The following ATL3 variants were observed in gnomAD, a reference collection of about 807,000 sequenced individuals.
ATL3 encodes the protein atlastin GTPase 3, also known as atlastin-3.
Under a neutral mutation model 69.5 loss-of-function variants are expected in ATL3, and 49 were observed. That is an observed-to-expected ratio of 0.71 (90% CI 0.56 to 0.89). ATL3 has a LOEUF of 0.89. ATL3 is among the 40% of genes least tolerant of loss of function. ATL3 has a pLI of 0.00. For synonymous variants in ATL3, 214 were observed against 224.1 expected (o/e 0.95, Z 0.40); for missense variants, 606 against 645.7 (o/e 0.94, Z 0.67).
chr11:63,666,976 T>C (rs1940590704), intron 1 of ATL3, among the ~76,000 whole-genome samples: 1 of 152,254 alleles, frequency 6.6e-6, no homozygotes, highest in African/African-American at 2.4e-5. Flanking sequence ...TTACAACATA[T>C]GTTTAAAATT....
intron 11 of ATL3, chr11:63,632,800 A>C: frequency 1.3e-6 from 1 of 757,684 alleles, no homozygotes; most frequent in Non-Finnish European, 2.2e-6. Context: ...CTATGTACTT[A>C]CCAATAAACT....
At chr11:63,661,358 A>G (rs1160582918) in intron 1 of ATL3, among the ~76,000 whole-genome samples, 1 of 152,190 alleles carries the variant, frequency 6.6e-6, no homozygotes, top group East Asian at 1.9e-4. Context: ...AAAGTTTTAG[A>G]AGCTATTAAT....
intron 1 of ATL3, among the ~76,000 whole-genome samples, chr11:63,669,599 G>C (rs910759026): frequency 2.1e-4 from 32 of 152,102 alleles, no homozygotes; most frequent in African/African-American, 7.7e-4. Flanking sequence ...CATCTATCCC[G>C]TTACTTCTAT....
chr11:63,669,742 T>A (rs1940714662), intron 1 of ATL3, among the ~76,000 whole-genome samples: 2 of 151,024 alleles, frequency 1.3e-5, no homozygotes, highest in African/African-American at 4.9e-5. Context: ...AGGTCAGGAG[T>A]TCGAGACCAG....
chr11:63,637,137 G>T (rs1201459977), intron 8 of ATL3, among the ~76,000 whole-genome samples: 1 of 151,978 alleles, frequency 6.6e-6, no homozygotes, highest in African/African-American at 2.4e-5. Flanking sequence ...ATTAGCCGGG[G>T]GTGGTGGCGG....
rs1490841554 is a variant in ATL3 at position 63,631,287 on chromosome 11, T to C, written c.1292A>G (p.His431Arg). Residue 431 changes from histidine (H) to arginine (R), a missense_variant, in exon 12 of 13, where the codon CAC becomes CGC. Transcript: ENST00000398868. Reference sequence around the variant, plus strand: ...GCTGAAGACGTTCTTGCTACCATTGTGCTTGCAGAAGTTCTCATATAATTC... The same window carrying C: ...GCTGAAGACGTTCTTGCTACCATTGCGCTTGCAGAAGTTCTCATATAATTC... ...IKELYENFCKHNGSKNVFSTF... is the reference protein window; with the variant it reads ...IKELYENFCKRNGSKNVFSTF... 6.2e-7 allele frequency: 1 copy of C among 1,614,100 alleles called. No individual in the cohort carries two copies. Among genetic ancestry groups the C allele is most frequent in the Non-Finnish European group, 8.5e-7 (1 of 1,180,050 alleles).
At chr11:63,645,284 A>T (rs1939833719) in intron 6 of ATL3, among the ~76,000 whole-genome samples, 1 of 151,276 alleles carries the variant, frequency 6.6e-6, no homozygotes, top group Non-Finnish European at 1.5e-5. Flanking sequence ...AATCCCAGCT[A>T]CTCAGGAGGG....
intron 5 of ATL3, among the ~76,000 whole-genome samples, chr11:63,647,700 G>T (rs374432405): frequency 9.2e-5 from 14 of 152,224 alleles, no homozygotes; most frequent in African/African-American, 3.1e-4. Flanking sequence ...TTAAGGTTAA[G>T]GTTTACATGT....
chr11:63,630,182 G>A lies in ATL3; in HGVS notation c.1540-777C>T, dbSNP rs554603341. Among the ~76,000 whole-genome samples, 136 of 151,746 alleles carry A rather than the reference G, an allele frequency of 9.0e-4. 1 individual carries two copies. The highest frequency in any genetic ancestry group is 6.8e-3 in the Middle Eastern group (2 of 294). On this transcript the variant is annotated intron_variant, in intron 12 of 12. Transcript: ENST00000398868. ...AATCCTAGCACTTTGGGAGGCCGAGGTGGGTGGATCACCTGAGGTCAGGAG... is the reference window on the plus strand; with the variant it reads ...AATCCTAGCACTTTGGGAGGCCGAGATGGGTGGATCACCTGAGGTCAGGAG...
At position 63,662,159 on chromosome 11, in the gene ATL3, G is replaced by A. The variant is rs182051451; in HGVS notation, c.47-2907C>T. ...ACCTGCACGGTGGAGGCTGCAGTGA[G>A]CCAAGACCGTGCCACTGCACTCCAG... On this transcript the variant is annotated intron_variant, in intron 1 of 12. Coordinates refer to ENST00000398868, the MANE Select transcript of ATL3 (RefSeq NM_015459.5). 1.7e-3 allele frequency among the ~76,000 whole-genome samples: 260 copies of A among 150,038 alleles called. 1 individual carries two copies. The highest frequency in any genetic ancestry group is 6.9e-3 in the Middle Eastern group (2 of 288).
chr11:63,628,983 A>G lies in ATL3; in HGVS notation c.*336T>C. On this transcript the variant is annotated 3_prime_UTR_variant, in exon 13 of 13. Coordinates refer to ENST00000398868, the MANE Select transcript of ATL3 (RefSeq NM_015459.5). ...GCAAAACCATGGAATCAATCTTAAA[A>G]GGCACTAAGTGGCACATAAAGAACT... 4.0e-6 allele frequency: 1 copy of G among 250,602 alleles called. No individual in the cohort carries two copies. The highest frequency in any genetic ancestry group is 9.5e-5 in the South Asian group (1 of 10,526). 15.5% of individuals were successfully genotyped at this position (250,602 alleles called of 1,614,324 possible).
rs1438427220 is a variant in ATL3 at position 63,629,414 on chromosome 11, G to T, written c.1540-9C>A. 13 of 1,612,458 alleles carry T rather than the reference G, an allele frequency of 8.1e-6. No individual in the cohort carries two copies. The highest frequency in any genetic ancestry group is 9.3e-6 in the Non-Finnish European group (11 of 1,178,436). ...CCGATATGAGAAGAAGCCTGCAAAA[G>T]TCCATTTATTCAACATATAAGTTAA... On this transcript the variant is annotated splice_polypyrimidine_tract_variant and intron_variant, in intron 12 of 12. Transcript: ENST00000398868.
At position 63,624,358 on chromosome 11, in the gene ATL3, A is replaced by G. The variant is rs1162306613; in HGVS notation, c.*4961T>C. 6.6e-6 allele frequency: 1 copy of G among 152,182 alleles called. No individual in the cohort carries two copies. Among genetic ancestry groups the G allele is most frequent in the Non-Finnish European group, 1.5e-5 (1 of 68,022 alleles). 9.4% of individuals were successfully genotyped at this position (152,182 alleles called of 1,614,324 possible). On this transcript the variant is annotated 3_prime_UTR_variant, in exon 13 of 13. Coordinates refer to ENST00000398868, the MANE Select transcript of ATL3 (RefSeq NM_015459.5). ...CCATGACAGCATGTATCTAATTAGA[A>G]AGCTATGGGAATCAATGCTACCTTC...
At chr11:63,638,483 T>C (rs572508607) in intron 8 of ATL3, among the ~76,000 whole-genome samples, 97 of 152,236 alleles carry the variant, frequency 6.4e-4, no homozygotes, top group African/African-American at 2.1e-3. Flanking sequence ...GGTGGGCAGA[T>C]TGCTTGAGGC....
intron 8 of ATL3, among the ~76,000 whole-genome samples, chr11:63,641,898 G>A (rs915763812): frequency 6.6e-6 from 1 of 152,170 alleles, no homozygotes; most frequent in African/African-American, 2.4e-5. Flanking sequence ...AGAATGCCAT[G>A]TGTGTGTGTT....
intron 1 of ATL3, among the ~76,000 whole-genome samples, chr11:63,667,659 G>A (rs1437169219): frequency 6.6e-6 from 1 of 151,836 alleles, no homozygotes; most frequent in African/African-American, 2.4e-5. Context: ...AGCTACTCGG[G>A]AGGCTGAAGC....
chr11:63,661,870 A>C (rs1940431153), intron 1 of ATL3, among the ~76,000 whole-genome samples: 1 of 145,836 alleles, frequency 6.9e-6, no homozygotes, highest in Non-Finnish European at 1.5e-5. Flanking sequence ...GCCTGGGCAA[A>C]AGAGTGACAC....
rs950679290 is a variant in ATL3 at position 63,669,010 on chromosome 11, T to TG, written c.46+2279dup. Among the ~76,000 whole-genome samples, 909 of 101,980 alleles carry TG rather than the reference T, an allele frequency of 8.9e-3. 10 individuals are homozygous for TG. Among genetic ancestry groups the TG allele is most frequent in the Middle Eastern group, 0.019 (4 of 210 alleles). 66.9% of individuals were successfully genotyped at this position (101,980 alleles called of 152,430 possible). ...GGCTAACTTTTTTTTAATTTTTTTT[T>TG]GGGTGGGGGGGGGCGTCTCACCATG... On this transcript the variant is annotated intron_variant, in intron 1 of 12. Transcript: ENST00000398868.
chr11:63,639,934 CT>C (rs1247687819), intron 8 of ATL3, among the ~76,000 whole-genome samples: 37 of 146,756 alleles, frequency 2.5e-4, no homozygotes, highest in Non-Finnish European at 2.3e-4. Flanking sequence ...TCTACCTTAT[CT>C]TTTTTTTTTT....
Sources: allele counts gnomAD v4.1 joint callset (sites outside exome capture counted in the v4.1 genomes callset), GRCh38; gene constraint gnomAD v4.1.1; transcripts MANE v1.5; gene names NCBI Gene and HGNC (gene_info 2026-07-23, HGNC 2026-07-21).